The following MYO16 variants were observed in gnomAD, a reference collection of about 807,000 sequenced individuals.
The protein encoded by MYO16 is myosin XVI.
Under a neutral mutation model 205.3 loss-of-function variants are expected in MYO16, and 94 were observed. The observed-to-expected ratio is 0.46, with a 90% confidence interval of 0.39 to 0.54. The LOEUF (loss-of-function observed/expected upper bound fraction) is 0.54. MYO16 is among the 20% of genes least tolerant of loss of function. The pLI is 0.00. For missense variants in MYO16, 2,315 were observed against 2,387.5 expected (o/e 0.97, Z 0.63); for synonymous variants, 988 against 954.0 (o/e 1.04, Z -0.66).
chr13:108,863,258 C>T (rs950186588), intron 11 of MYO16, among the ~76,000 whole-genome samples: 1 of 151,966 alleles, frequency 6.6e-6, no homozygotes, highest in African/African-American at 2.4e-5. Context: ...TAATAAGTGC[C>T]CTATCCATTG....
intron 31 of MYO16, among the ~76,000 whole-genome samples, chr13:109,135,102 C>A (rs930656566): frequency 2.6e-5 from 4 of 152,072 alleles, no homozygotes; most frequent in African/African-American, 7.2e-5. Flanking sequence ...AGACTTGTGG[C>A]CTAAAAAGAC....
At chr13:108,817,353 G>C (rs1436017131) in intron 7 of MYO16, among the ~76,000 whole-genome samples, 3 of 152,166 alleles carry the variant, frequency 2.0e-5, no homozygotes, top group South Asian at 2.1e-4. Flanking sequence ...AATGAAGAGA[G>C]AAAGTGTCAA....
rs1420275502 is a variant in MYO16, at chr13:109,140,645, C to T, written c.4433C>T (p.Ser1478Leu). The stretch of plus-strand genomic sequence containing the variant: ...GGCTCCTTCCTGCTCCACGGCGCAT[C>T]GCCGCCCCTGCTCCACCGCGCGCCG... ...GAGSFLLHGASPPLLHRAPED... is the reference protein window; with the variant it reads ...GAGSFLLHGALPPLLHRAPED... The change falls in exon 32 of 35, where the codon TCG (serine) becomes TTG (leucine). Residue 1478 changes from serine (S) to leucine (L), a missense_variant. Coordinates refer to ENST00000457511, the MANE Select transcript of MYO16 (RefSeq NM_001198950.3). This position sits in a 1 kb window ranked among gnomAD's most constrained non-coding sequence, Gnocchi z 8.0. The T allele has an allele frequency of 1.3e-6, 2 of 1,511,490 alleles. No homozygotes were observed. Among genetic ancestry groups the T allele is most frequent in the Non-Finnish European group, 1.8e-6 (2 of 1,134,050 alleles). 93.6% of individuals were successfully genotyped at this position (1,511,490 alleles called of 1,614,324 possible).
At chr13:108,850,550 G>C (rs1196090115) in intron 10 of MYO16, among the ~76,000 whole-genome samples, 1 of 152,090 alleles carries the variant, frequency 6.6e-6, no homozygotes, top group Non-Finnish European at 1.5e-5. Context: ...TACTTATCTG[G>C]TAATTATTGT....
chr13:108,685,701 T>C (rs1395490990), intron 2 of MYO16, among the ~76,000 whole-genome samples: 1 of 152,196 alleles, frequency 6.6e-6, no homozygotes, highest in African/African-American at 2.4e-5. Flanking sequence ...GGGCAGCTTA[T>C]ACAGCAGGCA....
chr13:108,773,546 C>T (rs528602098), intron 4 of MYO16, among the ~76,000 whole-genome samples: 2 of 152,184 alleles, frequency 1.3e-5, no homozygotes, highest in East Asian at 3.9e-4. Context: ...CTTCCCTCTG[C>T]GTGTGTGTCC....
At chr13:108,661,652 AG>A (rs1185695146) in intron 1 of MYO16, among the ~76,000 whole-genome samples, 1 of 152,104 alleles carries the variant, frequency 6.6e-6, no homozygotes, top group African/African-American at 2.4e-5. Flanking sequence ...TTTTTCTTTA[AG>A]CTATCCATTT....
chr13:108,598,789 T>A (rs1299069557), intron 1 of MYO16, among the ~76,000 whole-genome samples: 3 of 152,084 alleles, frequency 2.0e-5, no homozygotes, highest in Non-Finnish European at 4.4e-5. Context: ...ACAACTGGAG[T>A]GCTGAACAAA....
At chr13:108,881,812 A>G (rs556763020) in intron 12 of MYO16, among the ~76,000 whole-genome samples, 2 of 152,354 alleles carry the variant, frequency 1.3e-5, no homozygotes, top group Admixed American at 6.5e-5. Flanking sequence ...GACCAAATCT[A>G]TGTCTGACTG....
At chr13:108,545,616 A>T in the MYO16 span, among the ~76,000 whole-genome samples, 2 of 152,232 alleles carry the variant, frequency 1.3e-5, no homozygotes, top group African/African-American at 4.8e-5. Flanking sequence ...CATTCCCACC[A>T]GCAGTGTACA....
chr13:109,141,245 C>A lies in MYO16; in HGVS notation c.5033C>A (p.Pro1678His), dbSNP rs116870463. The A allele has an allele frequency of 4.1e-3, 6,512 of 1,606,566 alleles. 191 individuals are homozygous for A. In the East Asian group the frequency reaches 0.068, roughly 17 times the overall value. The change falls in exon 32 of 35, where the codon CCC (proline) becomes CAC (histidine). Residue 1678 changes from proline to histidine, a missense_variant. Physicochemically the swap from Pro to His is moderately conservative, Grantham distance 77. This residue lies in a region of MYO16 where 1,097 missense variants were observed against 1,092.0 expected (regional missense o/e 1.00). Transcript: ENST00000457511. The surrounding 1 kb of genome is among the most constrained non-coding windows in gnomAD (Gnocchi z 4.1). ...AGGAAGGCCGGCTCCAGTGCCTCGC[C>A]CCCCGCGCCCTACAGCCCTCCCAGC... ...DARKAGSSAS[P>H]PAPYSPPSSR...
chr13:108,724,721 G>A (rs1222601270), intron 3 of MYO16, among the ~76,000 whole-genome samples: 1 of 152,062 alleles, frequency 6.6e-6, no homozygotes, highest in South Asian at 2.1e-4. Flanking sequence ...GTTTCAGGTG[G>A]CATCCTACCC....
chr13:108,758,934 T>C, intron 4 of MYO16, among the ~76,000 whole-genome samples: 1 of 152,222 alleles, frequency 6.6e-6, no homozygotes, highest in Non-Finnish European at 1.5e-5. Context: ...TTATTTCTTT[T>C]AAAATATTGT....
At chr13:108,571,172 T>C in the MYO16 span, among the ~76,000 whole-genome samples, 7 of 152,112 alleles carry the variant, frequency 4.6e-5, no homozygotes, top group African/African-American at 1.7e-4. Flanking sequence ...GAAAATACCT[T>C]TTTGATGACT....
At chr13:109,101,468 G>A (rs1214643074) in intron 28 of MYO16, 4 of 152,226 alleles carry the variant, frequency 2.6e-5, no homozygotes, top group East Asian at 1.9e-4. Flanking sequence ...GTAGACCCTA[G>A]GGGCCAATGA....
At chr13:108,871,480 T>C (rs548388043) in intron 12 of MYO16, among the ~76,000 whole-genome samples, 2 of 152,244 alleles carry the variant, frequency 1.3e-5, no homozygotes, top group African/African-American at 4.8e-5. Flanking sequence ...TTATCTTCCT[T>C]CCAAGAAGAT....
intron 33 of MYO16, among the ~76,000 whole-genome samples, chr13:109,171,738 A>T (rs1326808509): frequency 6.6e-6 from 1 of 152,230 alleles, no homozygotes; most frequent in Non-Finnish European, 1.5e-5. Flanking sequence ...ACACAGATAT[A>T]AAAAATTCCA....
chr13:109,046,801 ACAC>A, intron 23 of MYO16, 112 bp from the exon 24 acceptor site: 2 of 813,204 alleles, frequency 2.5e-6, no homozygotes, highest in Non-Finnish European at 4.1e-6. Flanking sequence ...AGACCTGAAG[ACAC>A]TTCTTTTATG....
chr13:108,921,152 T>C (rs1881730288), intron 16 of MYO16, among the ~76,000 whole-genome samples: 1 of 152,202 alleles, frequency 6.6e-6, no homozygotes, highest in African/African-American at 2.4e-5. Flanking sequence ...TGTTTCTTTT[T>C]CTCTCAACCT....
Sources: allele counts gnomAD v4.1 joint callset (sites outside exome capture counted in the v4.1 genomes callset), GRCh38; gene constraint gnomAD v4.1.1; regional missense constraint gnomAD v4.1.1; non-coding constraint Gnocchi (gnomAD v3.1); transcripts MANE v1.5; gene names NCBI Gene and HGNC (gene_info 2026-07-23, HGNC 2026-07-21).